MBD5: variants seen among roughly 807,000 people sequenced by gnomAD.
MBD5 encodes the protein methyl-CpG-binding domain protein 5.
A neutral mutation model predicts 117.3 loss-of-function variants in MBD5; 13 were observed. The ratio of observed to expected loss-of-function variants is 0.11; its 90% CI spans 0.07 to 0.18. The LOEUF (loss-of-function observed/expected upper bound fraction) is 0.18. Among genes scored for constraint, MBD5 ranks in the 10% least tolerant of loss-of-function variants. The probability of loss-of-function intolerance (pLI) is 1.00; values close to 1 mark genes in which losing one functional copy is unlikely to be tolerated. For synonymous variants in MBD5, 727 were observed against 766.4 expected (o/e 0.95, Z 0.85); for missense variants, 1,879 against 2,093.8 (o/e 0.90, Z 2.00).
chr2:148,322,580 C>T (rs1378741551), intron 3 of MBD5, among the ~76,000 whole-genome samples: 2 of 152,090 alleles, frequency 1.3e-5, no homozygotes, highest in East Asian at 3.9e-4. Flanking sequence ...ACACACAAGA[C>T]TTACATACCT....
In MBD5 at chr2:148,326,817, G is replaced by T. The variant is rs570928119; in HGVS notation, c.-679-15397G>T. Among the ~76,000 whole-genome samples the T allele has an allele frequency of 1.1e-4, 16 of 151,352 alleles. No homozygotes were observed. In the South Asian group the frequency reaches 3.4e-3, roughly 32 times the overall value. On this transcript the variant is annotated intron_variant, in intron 3 of 13. Coordinates refer to ENST00000642680, the MANE Select transcript of MBD5 (RefSeq NM_001378120.1). Reference sequence around the variant, plus strand: ...TTTGCCAGTCTGTGTCTTTTAATTGGAGCATTTAGTCCATTTACATTTAAA... The same window carrying T: ...TTTGCCAGTCTGTGTCTTTTAATTGTAGCATTTAGTCCATTTACATTTAAA...
chr2:148,450,181 TTAAC>T (rs1345958476), intron 4 of MBD5, among the ~76,000 whole-genome samples: 4 of 152,146 alleles, frequency 2.6e-5, no homozygotes, highest in African/African-American at 4.8e-5. Context: ...CACATCTACA[TTAAC>T]TAACTTTTTT....
chr2:148,315,874 G>A (rs2656320), intron 3 of MBD5, among the ~76,000 whole-genome samples: 41,810 of 151,980 alleles, frequency 0.28, 6,541 homozygotes, highest in Admixed American at 0.37. Context: ...TCATTAGTCC[G>A]TTCTCACATA....
At chr2:148,283,824 C>A (rs1701306127) in intron 3 of MBD5, among the ~76,000 whole-genome samples, 1 of 152,200 alleles carries the variant, frequency 6.6e-6, no homozygotes, top group Non-Finnish European at 1.5e-5. Flanking sequence ...ACAAACATAG[C>A]TACACTCAGC....
chr2:148,053,846 T>TC (rs1008946790), intron 1 of MBD5: 3 of 152,006 alleles, frequency 2.0e-5, no homozygotes, highest in Non-Finnish European at 4.4e-5. Context: ...GGAATACTGA[T>TC]CCAATGAAGT....
intron 11 of MBD5, among the ~76,000 whole-genome samples, chr2:148,502,167 T>C (rs545144822): frequency 6.6e-6 from 1 of 152,378 alleles, no homozygotes; most frequent in South Asian, 2.1e-4. Flanking sequence ...GAAGGTTGTT[T>C]AAATTCCAGA....
intron 3 of MBD5, among the ~76,000 whole-genome samples, chr2:148,325,928 A>G (rs545912338): frequency 6.6e-6 from 1 of 152,146 alleles, no homozygotes; most frequent in African/African-American, 2.4e-5. Flanking sequence ...TTGTGATGTT[A>G]GGGTGTCAAT....
chr2:148,495,211 C>T (rs1424020293), intron 11 of MBD5, among the ~76,000 whole-genome samples: 1 of 152,084 alleles, frequency 6.6e-6, no homozygotes, highest in Non-Finnish European at 1.5e-5. Context: ...GACATTACAC[C>T]TCTATGCCTT....
intron 4 of MBD5, among the ~76,000 whole-genome samples, chr2:148,404,837 A>T (rs1443646676): frequency 6.6e-6 from 1 of 152,126 alleles, no homozygotes; most frequent in Non-Finnish European, 1.5e-5. Context: ...ATTATTTTAC[A>T]GTCTATTACT....
intron 3 of MBD5, among the ~76,000 whole-genome samples, chr2:148,288,093 T>C (rs563450514): frequency 6.6e-6 from 1 of 152,032 alleles, no homozygotes; most frequent in Admixed American, 6.5e-5. Flanking sequence ...GTGTATAAAC[T>C]TCAGACCTTT....
At chr2:148,224,509 A>ATTTTTTTTTTTTTTTTTTTT (rs34659671) in intron 2 of MBD5, among the ~76,000 whole-genome samples, 1 of 58,136 alleles carries the variant, frequency 1.7e-5, no homozygotes, top group African/African-American at 8.1e-5. Flanking sequence ...CGCCTGGCTA[A>ATTTTTTTTTTTTTTTTTTTT]TTTTTTTTTT....
chr2:148,240,160 C>T (rs763029453), intron 3 of MBD5, among the ~76,000 whole-genome samples: 3 of 152,082 alleles, frequency 2.0e-5, no homozygotes, highest in Non-Finnish European at 4.4e-5. Context: ...AGCAAACTAT[C>T]GCGAGGACAG....
intron 3 of MBD5, among the ~76,000 whole-genome samples, chr2:148,277,296 T>C (rs184032304): frequency 6.6e-6 from 1 of 152,326 alleles, no homozygotes; most frequent in East Asian, 1.9e-4. Context: ...ATATAGATCA[T>C]TAAAATTTGG....
intron 2 of MBD5, among the ~76,000 whole-genome samples, chr2:148,186,088 A>G (rs13396012): frequency 0.012 from 1,878 of 152,350 alleles, 39 homozygotes; most frequent in African/African-American, 0.043. Context: ...TAGTTGCAGT[A>G]TAGTACTAGA....
At chr2:148,142,282 CCA>C (rs1697338635) in intron 1 of MBD5, among the ~76,000 whole-genome samples, 1 of 151,956 alleles carries the variant, frequency 6.6e-6, no homozygotes, top group Admixed American at 6.6e-5. Context: ...TAATAAATAC[CCA>C]CACTCAGGAA....
chr2:148,273,218 G>A (rs1033919492), intron 3 of MBD5, among the ~76,000 whole-genome samples: 11 of 152,226 alleles, frequency 7.2e-5, no homozygotes, highest in Non-Finnish European at 1.3e-4. Context: ...CGGTCAAACT[G>A]TGCACTAACT....
chr2:148,301,682 G>A (rs2106480793), intron 3 of MBD5, among the ~76,000 whole-genome samples: 1 of 152,298 alleles, frequency 6.6e-6, no homozygotes, highest in African/African-American at 2.4e-5. Context: ...CTGTCCTCAT[G>A]AGCAGTGGCC....
intron 3 of MBD5, among the ~76,000 whole-genome samples, chr2:148,332,244 T>C (rs1702678188): frequency 6.6e-6 from 1 of 152,278 alleles, no homozygotes; most frequent in South Asian, 2.1e-4. Flanking sequence ...AATGATTTTG[T>C]TAAGTTTAAT....
intron 1 of MBD5, among the ~76,000 whole-genome samples, chr2:148,148,561 TC>T (rs1697536901): frequency 6.6e-6 from 1 of 152,232 alleles, no homozygotes; most frequent in Non-Finnish European, 1.5e-5. Context: ...ATTCAATAAA[TC>T]TGAGTTAGGG....
Sources: allele counts gnomAD v4.1 joint callset (sites outside exome capture counted in the v4.1 genomes callset), GRCh38; gene constraint gnomAD v4.1.1; transcripts MANE v1.5; gene names NCBI Gene and HGNC (gene_info 2026-07-23, HGNC 2026-07-21).